UPP2: variants seen among roughly 807,000 people sequenced by gnomAD.
UPP2 encodes UPase 2.
UPP2 carries 23 observed loss-of-function variants against 26.7 expected under a neutral mutation model. That is an observed-to-expected ratio of 0.86 (90% confidence interval 0.62 to 1.22). UPP2 has a LOEUF of 1.22. Ranked by LOEUF, UPP2 falls within the 50% of genes most tolerant of loss-of-function variation. UPP2 has a pLI of 0.00. For synonymous variants in UPP2, 127 were observed against 141.3 expected (o/e 0.90, Z 0.72); for missense variants, 387 against 396.7 (o/e 0.98, Z 0.21).
intron 3 of UPP2, among the ~76,000 whole-genome samples, chr2:158,072,679 C>T (rs1354279864): frequency 6.6e-6 from 1 of 150,570 alleles, no homozygotes; most frequent in Admixed American, 6.6e-5. Context: ...CAGACAGACT[C>T]CATTTATTTG....
At chr2:158,103,018 TAGGAA>T (rs1387187621) in intron 1 of UPP2, among the ~76,000 whole-genome samples, 4 of 152,218 alleles carry the variant, frequency 2.6e-5, no homozygotes, top group Non-Finnish European at 5.9e-5. Context: ...TTCTATGTGT[TAGGAA>T]AAGGAAGAAG....
chr2:158,064,281 C>G (rs7370027), intron 3 of UPP2, among the ~76,000 whole-genome samples: 2 of 152,038 alleles, frequency 1.3e-5, no homozygotes, highest in South Asian at 2.1e-4. Context: ...TTTTAATGAT[C>G]GCCATTCTAA....
chr2:158,052,843 T>C (rs1004269672), intron 3 of UPP2, among the ~76,000 whole-genome samples: 3 of 152,172 alleles, frequency 2.0e-5, no homozygotes, highest in African/African-American at 7.2e-5. Flanking sequence ...GTCCCAAGAC[T>C]CAACTCTGCC....
chr2:158,064,439 GT>G (rs993630015), intron 3 of UPP2, among the ~76,000 whole-genome samples: 3,007 of 149,930 alleles, frequency 0.02, 104 homozygotes, highest in African/African-American at 0.069. Flanking sequence ...CTTTTTGATG[GT>G]TTTTTTTTTT....
upstream of UPP2, among the ~76,000 whole-genome samples, chr2:158,099,242 C>T (rs1683033465): frequency 6.6e-6 from 1 of 152,096 alleles, no homozygotes; most frequent in Admixed American, 6.5e-5. Flanking sequence ...GGTGTATGCT[C>T]AGTTAATATT....
At chr2:158,132,911 A>G (rs1218931401) in intron 6 of UPP2, among the ~76,000 whole-genome samples, 3 of 152,206 alleles carry the variant, frequency 2.0e-5, no homozygotes, top group African/African-American at 4.8e-5. Context: ...AGAACCCTTG[A>G]ATACTGTTGA....
intron 6 of UPP2, among the ~76,000 whole-genome samples, chr2:158,130,983 T>C (rs962103656): frequency 6.6e-6 from 1 of 152,166 alleles, no homozygotes; most frequent in Non-Finnish European, 1.5e-5. Flanking sequence ...TGAATACAAA[T>C]TTTCCCCACC....
At chr2:158,051,248 C>T (rs1180122018) in intron 3 of UPP2, among the ~76,000 whole-genome samples, 1 of 147,860 alleles carries the variant, frequency 6.8e-6, no homozygotes, top group Non-Finnish European at 1.5e-5. Context: ...TGTCAAACTT[C>T]CTTTTTTTAT....
intron 3 of UPP2, among the ~76,000 whole-genome samples, chr2:158,033,582 C>T (rs996478396): frequency 1.3e-5 from 2 of 152,134 alleles, no homozygotes; most frequent in African/African-American, 2.4e-5. Context: ...GGGGAATGGG[C>T]GGTCCAGCAG....
At chr2:158,107,522 A>C (rs192498065) in intron 2 of UPP2, among the ~76,000 whole-genome samples, 18 of 152,278 alleles carry the variant, frequency 1.2e-4, no homozygotes, top group African/African-American at 4.3e-4. Context: ...GAGTCACAGT[A>C]ACTCAGGATA....
intron 1 of UPP2, among the ~76,000 whole-genome samples, chr2:158,103,330 A>G (rs1683115149): frequency 6.6e-6 from 1 of 152,208 alleles, no homozygotes; most frequent in African/African-American, 2.4e-5. Flanking sequence ...TATAATTAAT[A>G]TAAGTGAAAA....
chr2:158,100,107 T>C (rs1683050281), upstream of UPP2, among the ~76,000 whole-genome samples: 1 of 152,216 alleles, frequency 6.6e-6, no homozygotes, highest in Non-Finnish European at 1.5e-5. Context: ...GATCGAGTCT[T>C]GAGAAGATTG....
chr2:158,116,421 C>T (rs1683432811), intron 3 of UPP2, among the ~76,000 whole-genome samples: 1 of 152,124 alleles, frequency 6.6e-6, no homozygotes, highest in Non-Finnish European at 1.5e-5. Context: ...TAAAACTTCA[C>T]AGTAAGAAAT....
Position 158,002,835 on chromosome 2 carries a change from G to A in UPP2, c.61+7576G>A, listed in dbSNP as rs532312475. Among the ~76,000 whole-genome samples the A allele has an allele frequency of 2.8e-3, 431 of 152,264 alleles. 2 individuals carry two copies. The highest frequency in any genetic ancestry group is 5.1e-3 in the Non-Finnish European group (347 of 68,004). On this transcript the variant is annotated intron_variant, in intron 2 of 9. Transcript: ENST00000605860. ...AGCCCCATTATTAGCTGGCAACACC[G>A]TTGTGACATTAGTGGTGACTTTGCT...
chr2:158,043,874 A>G (rs1406180150), intron 3 of UPP2, among the ~76,000 whole-genome samples: 1 of 152,214 alleles, frequency 6.6e-6, no homozygotes, highest in Non-Finnish European at 1.5e-5. Context: ...CCATCCACTT[A>G]TCATCACCTG....
At chr2:158,048,743 G>T in intron 3 of UPP2, among the ~76,000 whole-genome samples, 1 of 152,278 alleles carries the variant, frequency 6.6e-6, no homozygotes, top group Middle Eastern at 3.4e-3. Context: ...TTGTAAATTA[G>T]CTATACAAGG....
chr2:158,077,338 T>C (rs1682646063), intron 3 of UPP2, among the ~76,000 whole-genome samples: 1 of 151,970 alleles, frequency 6.6e-6, no homozygotes, highest in South Asian at 2.1e-4. Flanking sequence ...CAGCCAAGGC[T>C]ATCCTGAACA....
intron 3 of UPP2, among the ~76,000 whole-genome samples, chr2:158,029,939 G>A (rs534287840): frequency 2.6e-5 from 4 of 152,130 alleles, no homozygotes; most frequent in South Asian, 4.1e-4. Context: ...CACAGATTTC[G>A]TAATTATTCC....
At chr2:158,028,513 G>C (rs1558908070) in intron 3 of UPP2, among the ~76,000 whole-genome samples, 1 of 152,258 alleles carries the variant, frequency 6.6e-6, no homozygotes, top group African/African-American at 2.4e-5. Context: ...AAGTCTCTAG[G>C]AAGTTCCAAA....
Sources: gnomAD v4.1 joint callset for allele counts (sites outside exome capture counted in the v4.1 genomes callset) on GRCh38, gnomAD v4.1.1 for gene constraint, MANE v1.5 for transcripts, NCBI Gene and HGNC (gene_info 2026-07-23, HGNC 2026-07-21) for gene names.